MSH6: variants seen among roughly 807,000 people sequenced by gnomAD.
MSH6 encodes the protein DNA mismatch repair protein Msh6.
MSH6 carries 85 observed loss-of-function variants against 119.1 expected under a neutral mutation model. The observed-to-expected ratio is 0.71, with a 90% CI of 0.60 to 0.85. The LOEUF (loss-of-function observed/expected upper bound fraction) is 0.85. MSH6 is among the 40% of genes least tolerant of loss of function. The pLI is 0.00. For missense variants in MSH6, 2,163 were observed against 1,655.3 expected (o/e 1.31, Z -5.32); for synonymous variants, 830 against 586.9 (o/e 1.41, Z -5.99).
chr2:47,805,089 T>A lies in MSH6; in HGVS notation c.3556+62T>A, dbSNP rs952940135. The A allele has an allele frequency of 1.2e-5, 14 of 1,142,912 alleles. No individual in the cohort carries two copies. In the Admixed American group the frequency reaches 2.4e-4, roughly 19 times the overall value. 70.8% of individuals were successfully genotyped at this position (1,142,912 alleles called of 1,614,324 possible). On this transcript the variant is annotated intron_variant, in intron 6 of 9. Transcript: ENST00000234420. ...TCATTTAGATGTGATAAAAGATATTTGCTTCTTGTATATGAGCCTTTTAAA... is the reference window on the plus strand; with the variant it reads ...TCATTTAGATGTGATAAAAGATATTAGCTTCTTGTATATGAGCCTTTTAAA...
intron 1 of MSH6, 129 bp from the exon 2 acceptor site, chr2:47,790,798 A>C: frequency 1.2e-6 from 1 of 842,248 alleles, no homozygotes; most frequent in Non-Finnish European, 1.9e-6. Context: ...CTGACTTTAA[A>C]AATTATTCTA....
At chr2:47,787,590 T>TA (rs568313234) in intron 1 of MSH6, among the ~76,000 whole-genome samples, 4 of 152,136 alleles carry the variant, frequency 2.6e-5, no homozygotes, top group Non-Finnish European at 5.9e-5. Context: ...TGCAAAATCC[T>TA]AAAATCATAA....
In MSH6 at chr2:47,798,650, A is replaced by G. The variant is rs374041375; in HGVS notation, c.667A>G (p.Asn223Asp). 28 of 1,612,922 alleles carry G rather than the reference A, an allele frequency of 1.7e-5. No individual in the cohort carries two copies. The highest frequency in any genetic ancestry group is 2.3e-5 in the Non-Finnish European group (27 of 1,179,996). The change falls in exon 4 of 10, where the codon AAT (asparagine) becomes GAT (aspartate). Residue 223 changes from asparagine (N) to aspartate (D), a missense_variant. Transcript: ENST00000234420. Reference protein sequence around the residue: ...TYVTDKSEEDNEIESEEEVQP... With the variant: ...TYVTDKSEEDDEIESEEEVQP... ...CGTAACAGATAAGAGTGAAGAAGAT[A>G]ATGAAATTGAGAGTGAAGAGGAAGT...
At chr2:47,805,163 G>C in intron 6 of MSH6, 136 bp downstream of exon 6, 2 of 690,582 alleles carry the variant, frequency 2.9e-6, no homozygotes, top group South Asian at 1.6e-5. Context: ...CACTTTTTAA[G>C]AACTGCATAG....
At position 47,806,232 on chromosome 2, in the gene MSH6, G is replaced by A. The variant is rs730881820; in HGVS notation, c.3675G>A (p.Thr1225=). 25 of 1,613,794 alleles carry A rather than the reference G, an allele frequency of 1.5e-5. No homozygotes were observed. The highest frequency in any genetic ancestry group is 1.6e-4 in the Middle Eastern group (1 of 6,084). The change falls in exon 8 of 10, where the codon ACG becomes ACA. Residue 1225 remains threonine (T), a synonymous_variant. Transcript: ENST00000234420. The part of the protein sequence containing the change: ...LGRGTATFDG[T]AIANAVVKEL... ...GAGGTACTGCAACATTTGATGGGAC[G>A]GCAATAGCAAATGCAGTTGTTAAAG...
At chr2:47,784,715 G>T (rs1668243046) in intron 1 of MSH6, 1 of 152,188 alleles carries the variant, frequency 6.6e-6, no homozygotes, top group Non-Finnish European at 1.5e-5. Flanking sequence ...CACCCGCCTC[G>T]GCCTCAAAGT....
intron 1 of MSH6, chr2:47,789,506 AT>A: frequency 2.3e-6 from 1 of 438,594 alleles, no homozygotes; most frequent in South Asian, 1.7e-5. Context: ...TTCTTTTCTA[AT>A]GATCTTTTAA....
chr2:47,796,743 C>G (rs1489268663), intron 3 of MSH6, among the ~76,000 whole-genome samples: 1 of 152,132 alleles, frequency 6.6e-6, no homozygotes, highest in African/African-American at 2.4e-5. Context: ...GTTGGATGTC[C>G]TGAGGACAGG....
chr2:47,807,015 A>AATGGTTATTGAAT, downstream of MSH6: 2 of 667,980 alleles, frequency 3.0e-6, no homozygotes, highest in Non-Finnish European at 5.3e-6. Context: ...CCTTCTACAT[A>AATGGTTATTGAAT]ATGGTTATTG....
intron 1 of MSH6, chr2:47,789,555 C>T (rs1668598509): frequency 2.8e-6 from 1 of 358,536 alleles, no homozygotes; most frequent in African/African-American, 2.2e-5. Flanking sequence ...ACAATTTATA[C>T]TGTATTTTAC....
In MSH6 at chr2:47,805,039, GT is replaced by G; in HGVS notation, c.3556+15del. On this transcript the variant is annotated intron_variant, in intron 6 of 9. Coordinates refer to ENST00000234420, the MANE Select transcript of MSH6 (RefSeq NM_000179.3). ...CAGAATAATGTCAGGTGAGTTTTTT[GT>G]TTCCCACTTAAGTTCTCATTCAGTC... The G allele has an allele frequency of 6.4e-7, 1 of 1,562,340 alleles. No homozygotes were observed. The highest frequency in any genetic ancestry group is 1.7e-4 in the Middle Eastern group (1 of 5,968).
Position 47,806,743 on chromosome 2 carries a change from CA to C in MSH6, c.4002-29del. The C allele has an allele frequency of 2.9e-6, 4 of 1,389,272 alleles. No homozygotes were observed. The East Asian group carries it at 7.5e-5, about 26-fold the overall frequency. 86.1% of individuals were successfully genotyped at this position (1,389,272 alleles called of 1,614,324 possible). On this transcript the variant is annotated intron_variant, in intron 9 of 9. Coordinates refer to ENST00000234420, the MANE Select transcript of MSH6 (RefSeq NM_000179.3). ...GAAGGGATGATGCACTATGAAAAAACAAAAAAACTTTTTTTTTTTTTTTTTT... is the reference window on the plus strand; with the variant it reads ...GAAGGGATGATGCACTATGAAAAAACAAAAAACTTTTTTTTTTTTTTTTTT...
At chr2:47,792,350 G>A (rs187750877) in intron 2 of MSH6, among the ~76,000 whole-genome samples, 2 of 152,136 alleles carry the variant, frequency 1.3e-5, no homozygotes, top group African/African-American at 2.4e-5. Flanking sequence ...ACACTCTTTC[G>A]TCATAGTGCT....
intron 1 of MSH6, chr2:47,789,278 A>G: frequency 5.8e-6 from 2 of 343,148 alleles, no homozygotes; most frequent in South Asian, 2.5e-5. Context: ...TGTAAGTGTA[A>G]TGGTATATAA....
intron 2 of MSH6, among the ~76,000 whole-genome samples, chr2:47,793,048 T>C (rs1224446298): frequency 6.6e-6 from 1 of 151,438 alleles, no homozygotes; most frequent in Non-Finnish European, 1.5e-5. Flanking sequence ...GGGCCGGGCA[T>C]GGTGGCTCAC....
chr2:47,798,157 A>G, intron 3 of MSH6: 1 of 172,938 alleles, frequency 5.8e-6, no homozygotes. Flanking sequence ...TTTTAATGTC[A>G]AGTGAAACTG....
At chr2:47,805,144 T>C (rs1669897101) in intron 6 of MSH6, 117 bp downstream of exon 6, 4 of 765,848 alleles carry the variant, frequency 5.2e-6, no homozygotes, top group Non-Finnish European at 9.2e-6. Context: ...GGTGTTACTT[T>C]AAAAACATCA....
In MSH6 at chr2:47,806,847, T is replaced by C. The variant is rs1209834047; in HGVS notation, c.4070T>C (p.Ile1357Thr). Reference sequence around the variant, plus strand: ...GCTGTCCATAAATTGCTGACTTTGATTAAGGAATTATAGACTGACTACATT... The same window carrying C: ...GCTGTCCATAAATTGCTGACTTTGACTAAGGAATTATAGACTGACTACATT... ...AEAVHKLLTLIKEL is the reference protein window; with the variant it reads ...AEAVHKLLTLTKEL Residue 1357 changes from isoleucine (I) to threonine (T), a missense_variant, in exon 10 of 10, where the codon ATT becomes ACT. Coordinates refer to ENST00000234420, the MANE Select transcript of MSH6 (RefSeq NM_000179.3). The C allele has an allele frequency of 6.2e-7, 1 of 1,611,838 alleles. No individual in the cohort carries two copies. The highest frequency in any genetic ancestry group is 8.5e-7 in the Non-Finnish European group (1 of 1,178,450).
rs786203178 is a variant in MSH6, at chr2:47,783,425, G to T, written c.192G>T (p.Ala64=). Residue 64 remains alanine, a synonymous_variant, in exon 1 of 10, where the codon GCG becomes GCT. Coordinates refer to ENST00000234420, the MANE Select transcript of MSH6 (RefSeq NM_000179.3). ...GPGPRPLARS[A]SPPKAKNLNG... is the part of the protein sequence containing the mutation. ...GGCCCAGGCCCTTGGCGCGCTCCGCGTCACCGCCCAAGGCGAAGAACCTCA... is the reference window on the plus strand; with the variant it reads ...GGCCCAGGCCCTTGGCGCGCTCCGCTTCACCGCCCAAGGCGAAGAACCTCA... 1 of 1,507,464 alleles carries T rather than the reference G, an allele frequency of 6.6e-7. No homozygotes were observed. The highest frequency in any genetic ancestry group is 8.8e-7 in the Non-Finnish European group (1 of 1,130,184). 93.4% of individuals were successfully genotyped at this position (1,507,464 alleles called of 1,614,324 possible).
Sources: gnomAD v4.1 joint callset for allele counts (sites outside exome capture counted in the v4.1 genomes callset) on GRCh38, gnomAD v4.1.1 for gene constraint, MANE v1.5 for transcripts, NCBI Gene and HGNC (gene_info 2026-07-23, HGNC 2026-07-21) for gene names.